The following HECW2 variants were observed in gnomAD, a reference collection of about 807,000 sequenced individuals.
The protein encoded by HECW2 is HECT, C2 and WW domain containing E3 ubiquitin protein ligase 2.
In HECW2, 61 loss-of-function variants were observed where a neutral mutation model predicts 175.2. That is an observed-to-expected ratio of 0.35 (90% CI 0.28 to 0.43). HECW2 has a LOEUF of 0.43. Ranked by LOEUF, HECW2 falls within the 20% of genes least tolerant of loss-of-function variation. The pLI, the probability that HECW2 is intolerant of heterozygous loss-of-function variation, is 1.00. For synonymous variants in HECW2, 671 were observed against 731.0 expected (o/e 0.92, Z 1.32); for missense variants, 1,524 against 2,000.5 (o/e 0.76, Z 4.54).
At chr2:196,478,610 A>G (rs559603298) in intron 1 of HECW2, among the ~76,000 whole-genome samples, 1 of 152,172 alleles carries the variant, frequency 6.6e-6, no homozygotes, top group Non-Finnish European at 1.5e-5. Flanking sequence ...CCTAATCCCC[A>G]CAAACATTTT....
chr2:196,588,671 C>G (rs76864783), intron 1 of HECW2, among the ~76,000 whole-genome samples: 1 of 152,170 alleles, frequency 6.6e-6, no homozygotes, highest in Non-Finnish European at 1.5e-5. Context: ...CACACACACA[C>G]ACATATACGT....
chr2:196,387,911 T>A (rs1422258693), intron 2 of HECW2, among the ~76,000 whole-genome samples: 6 of 152,162 alleles, frequency 3.9e-5, no homozygotes, highest in African/African-American at 1.4e-4. Context: ...AGTAAATAAG[T>A]TTTATCAAAT....
chr2:196,312,087 T>C (rs1159058563), intron 10 of HECW2, among the ~76,000 whole-genome samples: 1 of 152,206 alleles, frequency 6.6e-6, no homozygotes, highest in East Asian at 1.9e-4. Context: ...GTGATCCCTC[T>C]GCTCATCTCA....
At chr2:196,278,149 T>TATATATATATATAA (rs1481136211) in intron 15 of HECW2, among the ~76,000 whole-genome samples, 1 of 119,598 alleles carries the variant, frequency 8.4e-6, no homozygotes, top group African/African-American at 2.8e-5. Context: ...TATATATATA[T>TATATATATATATAA]ATAAAGAAAT....
intron 2 of HECW2, among the ~76,000 whole-genome samples, chr2:196,344,148 A>C (rs1692864115): frequency 6.6e-6 from 1 of 152,146 alleles, no homozygotes; most frequent in South Asian, 2.1e-4. Flanking sequence ...ACCTAGGAGA[A>C]TATAACAGAA....
At chr2:196,307,784 A>G (rs745362983) in intron 11 of HECW2, 151 bp downstream of exon 11, 52 of 644,900 alleles carry the variant, frequency 8.1e-5, no homozygotes, top group Middle Eastern at 2.7e-4. Flanking sequence ...GAGAAGTCCA[A>G]TTGAAGTCTG....
intron 1 of HECW2, among the ~76,000 whole-genome samples, chr2:196,455,558 T>C (rs762208130): frequency 1.8e-4 from 28 of 152,202 alleles, no homozygotes; most frequent in Non-Finnish European, 4.0e-4. Flanking sequence ...TAATAAAATG[T>C]TGTAATTCAG....
chr2:196,375,050 C>T (rs1694012831), intron 2 of HECW2, among the ~76,000 whole-genome samples: 1 of 150,988 alleles, frequency 6.6e-6, no homozygotes, highest in Non-Finnish European at 1.5e-5. Context: ...TAATCCCAGC[C>T]ACTCGGGAGG....
chr2:196,417,063 C>T (rs1015301014), intron 2 of HECW2, among the ~76,000 whole-genome samples: 1 of 152,236 alleles, frequency 6.6e-6, no homozygotes, highest in Non-Finnish European at 1.5e-5. Context: ...TACTGAGCAA[C>T]CAGGTACACA....
At chr2:196,323,908 G>GTTT (rs1227754141) in intron 6 of HECW2, among the ~76,000 whole-genome samples, 9 of 63,216 alleles carry the variant, frequency 1.4e-4, no homozygotes, top group Non-Finnish European at 1.6e-4. Flanking sequence ...AGTTTTTTTT[G>GTTT]TTTTTTGTTT....
chr2:196,355,035 T>C (rs563929969), intron 2 of HECW2, among the ~76,000 whole-genome samples: 524 of 152,352 alleles, frequency 3.4e-3, no homozygotes, highest in African/African-American at 0.012. Flanking sequence ...TCTTTGATAA[T>C]GCTCAAATGG....
At chr2:196,235,451 A>G (rs1242344039) in intron 21 of HECW2, among the ~76,000 whole-genome samples, 2 of 151,950 alleles carry the variant, frequency 1.3e-5, no homozygotes, top group African/African-American at 4.8e-5. Context: ...TTGTGGGGCT[A>G]ATTCTACCTT....
chr2:196,424,160 G>T (rs1174576297), intron 2 of HECW2, among the ~76,000 whole-genome samples: 1 of 151,890 alleles, frequency 6.6e-6, no homozygotes, highest in South Asian at 2.1e-4. Context: ...GTCTTTTGAT[G>T]ATATTATTGT....
At chr2:196,339,297 C>T (rs2105817082) in intron 3 of HECW2, among the ~76,000 whole-genome samples, 1 of 152,248 alleles carries the variant, frequency 6.6e-6, no homozygotes, top group African/African-American at 2.4e-5. Context: ...GGCAAGGTAC[C>T]AACCTGAGCA....
At chr2:196,358,061 C>T (rs1404660434) in intron 2 of HECW2, among the ~76,000 whole-genome samples, 1 of 152,162 alleles carries the variant, frequency 6.6e-6, no homozygotes, top group Non-Finnish European at 1.5e-5. Flanking sequence ...CTCATATTGC[C>T]AGGCTGCCAC....
intron 2 of HECW2, among the ~76,000 whole-genome samples, chr2:196,376,008 T>C (rs927661429): frequency 1.3e-5 from 2 of 152,238 alleles, no homozygotes; most frequent in Non-Finnish European, 2.9e-5. Context: ...TCTATCAGTC[T>C]ACGTTCCTTC....
intron 1 of HECW2, among the ~76,000 whole-genome samples, chr2:196,486,753 C>T (rs1175939100): frequency 6.6e-6 from 1 of 152,166 alleles, no homozygotes; most frequent in African/African-American, 2.4e-5. Flanking sequence ...AACTATTAAA[C>T]AAGAATAGAA....
In HECW2 at chr2:196,199,477, T is replaced by C. The variant is rs533738519; in HGVS notation, c.*1800A>G. 6.5e-6 allele frequency: 1 copy of C among 152,716 alleles called. No homozygotes were observed. The highest frequency in any genetic ancestry group is 2.4e-5 in the African/African-American group (1 of 41,560). 9.5% of individuals were successfully genotyped at this position (152,716 alleles called of 1,614,324 possible). ...GTATTCCTCTTGAGGGTCCCAGTAG[T>C]AAACATAGCTTAACTCACAGGAGAG... On this transcript the variant is annotated 3_prime_UTR_variant, in exon 29 of 29. Coordinates refer to ENST00000644978, the MANE Select transcript of HECW2 (RefSeq NM_001348768.2).
chr2:196,416,445 G>A (rs1013623676), intron 2 of HECW2, among the ~76,000 whole-genome samples: 3 of 152,292 alleles, frequency 2.0e-5, no homozygotes, highest in Admixed American at 1.3e-4. Flanking sequence ...TTTAAATGGT[G>A]CTATTAAAAA....
Sources: gnomAD v4.1 joint callset for allele counts (sites outside exome capture counted in the v4.1 genomes callset) on GRCh38, gnomAD v4.1.1 for gene constraint, MANE v1.5 for transcripts, NCBI Gene and HGNC (gene_info 2026-07-23, HGNC 2026-07-21) for gene names.